The following FKTN variants were observed in gnomAD, a reference collection of about 807,000 sequenced individuals.
The protein encoded by FKTN is fukutin.
Under a neutral mutation model 58.6 loss-of-function variants are expected in FKTN, and 47 were observed. That is an observed-to-expected ratio of 0.80 (90% CI 0.63 to 1.02). FKTN has a LOEUF of 1.02. Among genes scored for constraint, FKTN ranks in the 50% least tolerant of loss-of-function variants. FKTN has a pLI of 0.00. For missense variants in FKTN, 516 were observed against 537.3 expected (o/e 0.96, Z 0.39); for synonymous variants, 178 against 191.9 (o/e 0.93, Z 0.60).
chr9:105,608,079 CTT>C lies in FKTN; in HGVS notation c.780+131_780+132del, dbSNP rs112442722. 1.2e-3 allele frequency: 900 copies of C among 747,968 alleles called. 9 individuals carry two copies. The African/African-American group carries it at 0.014, about 12-fold the overall frequency. 46.3% of individuals were successfully genotyped at this position (747,968 alleles called of 1,614,324 possible). On this transcript the variant is annotated intron_variant, in intron 7 of 10. Transcript: ENST00000357998. ...GTAAACATCCTTTTTTGATATGTCT[CTT>C]TTCTTCTAGATTGTTTTCTTTCAGT...
chr9:105,567,077 G>C (rs946295347), intron 1 of FKTN, among the ~76,000 whole-genome samples: 29 of 152,112 alleles, frequency 1.9e-4, no homozygotes, highest in African/African-American at 7.0e-4. Flanking sequence ...TGCAGAAAAG[G>C]CCTTTGACAA....
chr9:105,578,955 T>C (rs1177316788), intron 3 of FKTN, among the ~76,000 whole-genome samples: 1 of 151,942 alleles, frequency 6.6e-6, no homozygotes, highest in Admixed American at 6.6e-5. Flanking sequence ...AGTTTATTTG[T>C]GTAGAGGTGT....
chr9:105,620,136 T>C, intron 10 of FKTN, 75 bp downstream of exon 10: 1 of 1,380,350 alleles, frequency 7.2e-7, no homozygotes, highest in Non-Finnish European at 1.0e-6. Flanking sequence ...AAGAAGTAAC[T>C]GAAAAGAAAA....
chr9:105,638,725 T>G lies in FKTN; in HGVS notation c.*3461T>G. On this transcript the variant is annotated 3_prime_UTR_variant, in exon 11 of 11. Transcript: ENST00000357998. ...TGCTTGGCTGGAAAGGAGACTAGAG[T>G]ATCTAGTTTTTAGTATTTAAACTAC... is the stretch of plus-strand genomic sequence containing the variant. The G allele has an allele frequency of 2.1e-6, 2 of 975,432 alleles. No individual in the cohort carries two copies. Among genetic ancestry groups the G allele is most frequent in the Non-Finnish European group, 2.4e-6 (2 of 820,872 alleles). The allele number at this position is 975,432 out of a possible 1,614,324, so 60.4% of individuals were successfully genotyped here.
chr9:105,604,307 T>A lies in FKTN; in HGVS notation c.462T>A (p.Ser154=), dbSNP rs768047516. ...GGCTAGACGGGATAGACTCACTCTC[T>A]GGAACTGAAATCCCCCTGCACTATA... ...DPRLDGIDSL[S]GTEIPLHYIC... is the part of the protein sequence containing the mutation. The change falls in exon 6 of 11, where the codon TCT becomes TCA. Residue 154 remains serine (S), a synonymous_variant. Transcript: ENST00000357998. 6.2e-7 allele frequency: 1 copy of A among 1,613,964 alleles called. No individual in the cohort carries two copies. The highest frequency in any genetic ancestry group is 8.5e-7 in the Non-Finnish European group (1 of 1,179,934).
chr9:105,609,052 T>C (rs1161751868), intron 7 of FKTN, among the ~76,000 whole-genome samples: 1 of 152,238 alleles, frequency 6.6e-6, no homozygotes, highest in Admixed American at 6.5e-5. Context: ...TGTCCTCTTA[T>C]CAAATTTTAT....
rs1841190963 is a variant in FKTN at position 105,573,730 on chromosome 9, A to T, written c.-105A>T. The T allele has an allele frequency of 6.6e-6, 1 of 152,112 alleles. No individual in the cohort carries two copies. The highest frequency in any genetic ancestry group is 1.5e-5 in the Non-Finnish European group (1 of 68,046). 9.4% of individuals were successfully genotyped at this position (152,112 alleles called of 1,614,324 possible). A position where few individuals can be genotyped will look rare whatever the true frequency, so the allele number is the denominator to read the frequency against. ...ATCCTTGTATAACCTAGTTTTTAAA[A>T]AAATTGGATTTCAAAGGTAAGGAAT... On this transcript the variant is annotated 5_prime_UTR_variant, in exon 2 of 11. Transcript: ENST00000357998.
At chr9:105,596,739 T>G in intron 4 of FKTN, 82 bp downstream of exon 4, 1 of 1,044,182 alleles carries the variant, frequency 9.6e-7, no homozygotes, top group Non-Finnish European at 1.5e-6. Flanking sequence ...TGTTGAATGA[T>G]GGCAATAATA....
rs188500068 is a variant in FKTN, at chr9:105,589,939, A to T, written c.106-6659A>T. ...TGGGGAGAATAGTAGGTAAGGTTAGAGTTTCCTGTTACTTAGGGTCTTGTA... is the reference window on the plus strand; with the variant it reads ...TGGGGAGAATAGTAGGTAAGGTTAGTGTTTCCTGTTACTTAGGGTCTTGTA... On this transcript the variant is annotated intron_variant, in intron 3 of 10. Transcript: ENST00000357998. 3.3e-4 allele frequency among the ~76,000 whole-genome samples: 50 copies of T among 152,314 alleles called. No homozygotes were observed. In the East Asian group the frequency reaches 8.1e-3, roughly 25 times the overall value.
chr9:105,560,365 A>G (rs1435081457), intron 1 of FKTN, among the ~76,000 whole-genome samples: 1 of 152,218 alleles, frequency 6.6e-6, no homozygotes, highest in Non-Finnish European at 1.5e-5. Flanking sequence ...ACAAGCTCCA[A>G]TGTGATACTG....
intron 9 of FKTN, among the ~76,000 whole-genome samples, chr9:105,619,372 A>ACAG (rs1414533710): frequency 2.6e-5 from 4 of 152,294 alleles, no homozygotes; most frequent in Admixed American, 2.6e-4. Context: ...GTCCAATGGG[A>ACAG]ACGTAATTAT....
chr9:105,576,140 CTTTTCT>C (rs1250688843), intron 3 of FKTN, among the ~76,000 whole-genome samples: 4 of 136,746 alleles, frequency 2.9e-5, no homozygotes, highest in African/African-American at 1.1e-4. Context: ...AAAACTGAAA[CTTTTCT>C]TTTTTTTTTT....
chr9:105,624,267 T>G (rs1832448507), intron 10 of FKTN: 1 of 152,142 alleles, frequency 6.6e-6, no homozygotes, highest in African/African-American at 2.4e-5. Context: ...TTCACTTTCT[T>G]CTTATTATCC....
At chr9:105,586,482 A>T (rs1284755381) in intron 3 of FKTN, among the ~76,000 whole-genome samples, 1 of 152,202 alleles carries the variant, frequency 6.6e-6, no homozygotes, top group Non-Finnish European at 1.5e-5. Flanking sequence ...GGATAGTATG[A>T]TAATTGTGTG....
chr9:105,635,063 G>T lies in FKTN; in HGVS notation c.1185G>T (p.Pro395=), dbSNP rs141886790. The change falls in exon 11 of 11, where the codon CCG becomes CCT. Residue 395 remains proline, a synonymous_variant. Transcript: ENST00000357998. ...KTGKKFKYLF[P]KFTLCWTEFV... ...TGTTTTGCTGCAGATACCTGTTTCCGAAGTTTACACTGTGCTGGACTGAGT... is the reference window on the plus strand; with the variant it reads ...TGTTTTGCTGCAGATACCTGTTTCCTAAGTTTACACTGTGCTGGACTGAGT... The T allele has an allele frequency of 3.1e-6, 5 of 1,613,878 alleles. No individual in the cohort carries two copies. The African/African-American group carries it at 5.3e-5, about 17-fold the overall frequency.
intron 10 of FKTN, among the ~76,000 whole-genome samples, chr9:105,628,511 A>C (rs1193443483): frequency 6.6e-6 from 1 of 152,188 alleles, no homozygotes; most frequent in Non-Finnish European, 1.5e-5. Flanking sequence ...ATGTTTTTTA[A>C]AACTGTCGAA....
intron 10 of FKTN, among the ~76,000 whole-genome samples, chr9:105,632,683 G>C (rs965711084): frequency 6.6e-6 from 1 of 151,918 alleles, no homozygotes; most frequent in Non-Finnish European, 1.5e-5. Flanking sequence ...GGAAAAAAAT[G>C]GTCTATTCCA....
chr9:105,581,769 G>A (rs1051824813), intron 3 of FKTN, among the ~76,000 whole-genome samples: 4 of 152,168 alleles, frequency 2.6e-5, no homozygotes, highest in Admixed American at 1.3e-4. Flanking sequence ...CCCCAGCCTC[G>A]CTGCCGCCTT....
chr9:105,568,493 C>T (rs1336114800), intron 1 of FKTN, among the ~76,000 whole-genome samples: 1 of 152,192 alleles, frequency 6.6e-6, no homozygotes, highest in Non-Finnish European at 1.5e-5. Flanking sequence ...TGAACAGACA[C>T]TTCTCAAAAG....
Sources: allele counts gnomAD v4.1 joint callset (sites outside exome capture counted in the v4.1 genomes callset), GRCh38; gene constraint gnomAD v4.1.1; transcripts MANE v1.5; gene names NCBI Gene and HGNC (gene_info 2026-07-23, HGNC 2026-07-21).